The following SLC25A24 variants were observed in gnomAD, a reference collection of about 807,000 sequenced individuals.
SLC25A24 encodes solute carrier family 25 member 24.
A neutral mutation model predicts 60.7 loss-of-function variants in SLC25A24; 49 were observed. The ratio of observed to expected loss-of-function variants is 0.81; its 90% CI spans 0.64 to 1.02. The LOEUF is 1.02. Ranked by LOEUF, SLC25A24 falls within the 50% of genes least tolerant of loss-of-function variation. The pLI, the probability that SLC25A24 is intolerant of heterozygous loss-of-function variation, is 0.00. For missense variants in SLC25A24, 564 were observed against 586.3 expected (o/e 0.96, Z 0.39); for synonymous variants, 202 against 200.6 (o/e 1.01, Z -0.06).
chr1:108,173,855 T>C (rs901289445), intron 3 of SLC25A24, among the ~76,000 whole-genome samples: 2 of 152,182 alleles, frequency 1.3e-5, no homozygotes, highest in Non-Finnish European at 2.9e-5. Flanking sequence ...GGAGCAAAGA[T>C]GACTCTTGTT....
At chr1:108,174,761 A>G (rs1252625532) in intron 3 of SLC25A24, among the ~76,000 whole-genome samples, 1 of 152,190 alleles carries the variant, frequency 6.6e-6, no homozygotes, top group Admixed American at 6.5e-5. Context: ...CACTTCTTGC[A>G]TTAGCATGAA....
At chr1:108,167,647 G>A (rs642595) in intron 3 of SLC25A24, among the ~76,000 whole-genome samples, 30,207 of 151,886 alleles carry the variant, frequency 0.2, 3,100 homozygotes, top group Admixed American at 0.22. Context: ...GCCCTGCTTC[G>A]GCTCGCGCAC....
chr1:108,145,628 T>C (rs1312666163), intron 7 of SLC25A24, among the ~76,000 whole-genome samples: 2 of 152,194 alleles, frequency 1.3e-5, no homozygotes, highest in South Asian at 2.1e-4. Flanking sequence ...GTTTTCTGCA[T>C]ATGGCTAGCC....
chr1:108,186,932 T>C (rs1648143539), intron 1 of SLC25A24, among the ~76,000 whole-genome samples: 3 of 151,942 alleles, frequency 2.0e-5, no homozygotes, highest in Admixed American at 1.3e-4. Flanking sequence ...ACAAAATTAG[T>C]TGGGCATGGT....
intron 7 of SLC25A24, among the ~76,000 whole-genome samples, chr1:108,144,915 G>A (rs935023330): frequency 1.3e-5 from 2 of 152,162 alleles, no homozygotes; most frequent in African/African-American, 4.8e-5. Flanking sequence ...CTTTATAGTA[G>A]AAAAATCTAT....
At chr1:108,184,627 T>A (rs1474649799) in intron 2 of SLC25A24, among the ~76,000 whole-genome samples, 1 of 152,202 alleles carries the variant, frequency 6.6e-6, no homozygotes, top group East Asian at 1.9e-4. Flanking sequence ...TCAAGCCAAA[T>A]AAGGTGTATT....
chr1:108,166,707 CAA>C (rs1680265334), intron 3 of SLC25A24, among the ~76,000 whole-genome samples: 1 of 152,004 alleles, frequency 6.6e-6, no homozygotes, highest in Non-Finnish European at 1.5e-5. Flanking sequence ...ACATTTTTTT[CAA>C]AGTTTTCAAC....
Position 108,185,937 on chromosome 1 carries a change from T to C in SLC25A24, c.201A>G (p.Gly67=). 1 of 1,587,048 alleles carries C rather than the reference T, an allele frequency of 6.3e-7. No individual in the cohort carries two copies. Among genetic ancestry groups the C allele is most frequent in the Non-Finnish European group, 8.6e-7 (1 of 1,166,084 alleles). Residue 67 remains glycine (G), a synonymous_variant, in exon 2 of 10, where the codon GGA becomes GGG. Coordinates refer to ENST00000565488, the MANE Select transcript of SLC25A24 (RefSeq NM_013386.5). ...CCAGCTTCCCATCTTTGTTGACATCTCCAGTAGTAAAAATTTTCTATAAAA... is the reference window on the plus strand; with the variant it reads ...CCAGCTTCCCATCTTTGTTGACATCCCCAGTAGTAAAAATTTTCTATAAAA... ...QDAEEKIFTT[G]DVNKDGKLDF... is the part of the protein sequence containing the mutation.
chr1:108,158,420 A>T (rs1458758670), intron 4 of SLC25A24, among the ~76,000 whole-genome samples: 2 of 152,202 alleles, frequency 1.3e-5, no homozygotes, highest in Non-Finnish European at 2.9e-5. Flanking sequence ...TACTATCAAT[A>T]AAATGGAGAT....
chr1:108,165,133 T>C (rs1483731853), intron 3 of SLC25A24, among the ~76,000 whole-genome samples: 1 of 151,076 alleles, frequency 6.6e-6, no homozygotes, highest in Non-Finnish European at 1.5e-5. Context: ...TGAGTTCTAG[T>C]TTGATTGCAC....
intron 9 of SLC25A24, among the ~76,000 whole-genome samples, chr1:108,138,385 A>G (rs1003577995): frequency 6.6e-6 from 1 of 152,216 alleles, no homozygotes; most frequent in East Asian, 1.9e-4. Context: ...AAAACAATGG[A>G]TAAGACTGAC....
At chr1:108,178,547 G>C (rs1457052268) in intron 3 of SLC25A24, among the ~76,000 whole-genome samples, 1 of 152,164 alleles carries the variant, frequency 6.6e-6, no homozygotes, top group African/African-American at 2.4e-5. Flanking sequence ...AGGCGCGGTG[G>C]CTCACGCCTG....
rs1647944890 is a variant in SLC25A24 at position 108,181,964 on chromosome 1, T to C, written c.375A>G (p.Gln125=). The C allele has an allele frequency of 1.2e-6, 2 of 1,612,116 alleles. No homozygotes were observed. The highest frequency in any genetic ancestry group is 1.7e-6 in the Non-Finnish European group (2 of 1,178,636). Residue 125 remains glutamine, a synonymous_variant, in exon 3 of 10, where the codon CAA becomes CAG. Transcript: ENST00000565488. The part of the protein sequence containing the change: ...LQTLGLTISE[Q]QAELILQSID... The stretch of plus-strand genomic sequence containing the variant: ...ACCTTTGAAGAATCAACTCTGCTTG[T>C]TGTTCAGAAATAGTCAGACCCAGTG...
At chr1:108,167,828 C>T (rs545777019) in intron 3 of SLC25A24, among the ~76,000 whole-genome samples, 19 of 152,324 alleles carry the variant, frequency 1.2e-4, no homozygotes, top group Middle Eastern at 3.4e-3. Context: ...CTTAAGAAAT[C>T]CTGGCACCTC....
intron 3 of SLC25A24, among the ~76,000 whole-genome samples, chr1:108,168,988 T>C (rs1647345757): frequency 6.6e-6 from 1 of 152,218 alleles, no homozygotes; most frequent in Non-Finnish European, 1.5e-5. Context: ...ACGTTTAGGT[T>C]GGTGTTTGTG....
At chr1:108,186,032 G>A (rs1648114925) in intron 1 of SLC25A24, 78 bp from the exon 2 acceptor site, 3 of 1,160,578 alleles carry the variant, frequency 2.6e-6, no homozygotes, top group Admixed American at 2.8e-5. Flanking sequence ...ATTTCAAGCA[G>A]ATTAGCTGTT....
chr1:108,146,532 G>C (rs1044469333), intron 7 of SLC25A24, among the ~76,000 whole-genome samples: 4 of 152,190 alleles, frequency 2.6e-5, no homozygotes, highest in African/African-American at 9.7e-5. Flanking sequence ...TGCCCATTCA[G>C]TATGATATTG....
rs1679858733 is a variant in SLC25A24, at chr1:108,155,081, C to A, written c.724G>T (p.Val242Leu). ...MNIFGGFRQM[V>L]KEGGIRSLWR... ...AGCGAGCGGATACCTCCTTCTTTTA[C>A]CATCTGTCGAAAGCCACCAAATATG... The change falls in exon 6 of 10, where the codon GTA (valine) becomes TTA (leucine). Residue 242 changes from valine to leucine, a missense_variant. Physicochemically the swap from Val to Leu is conservative, Grantham distance 32. Transcript: ENST00000565488. 6.2e-7 allele frequency: 1 copy of A among 1,612,668 alleles called. No homozygotes were observed. The highest frequency in any genetic ancestry group is 8.5e-7 in the Non-Finnish European group (1 of 1,179,334).
intron 7 of SLC25A24, among the ~76,000 whole-genome samples, chr1:108,146,714 C>T (rs533466931): frequency 1.7e-4 from 26 of 152,164 alleles, no homozygotes; most frequent in African/African-American, 6.3e-4. Context: ...TGATGAATTC[C>T]GTTATATTGA....
Sources: gnomAD v4.1 joint callset for allele counts (sites outside exome capture counted in the v4.1 genomes callset) on GRCh38, gnomAD v4.1.1 for gene constraint, MANE v1.5 for transcripts, NCBI Gene and HGNC (gene_info 2026-07-23, HGNC 2026-07-21) for gene names.